The following MYO1G variants were observed in gnomAD, a reference collection of about 807,000 sequenced individuals.
MYO1G encodes unconventional myosin-Ig.
In MYO1G, 65 loss-of-function variants were observed where a neutral mutation model predicts 115.3. The ratio of observed to expected loss-of-function variants is 0.56; its 90% CI spans 0.46 to 0.69. MYO1G has a LOEUF of 0.69. Ranked by LOEUF, MYO1G falls within the 30% of genes least tolerant of loss-of-function variation. The pLI is 0.00. For synonymous variants in MYO1G, 510 were observed against 552.6 expected, an observed-to-expected ratio of 0.92 and a Z score of 1.08; for missense variants, 1,204 against 1,393.5, an observed-to-expected ratio of 0.86 and a Z score of 2.16.
rs1225087429 is a variant in MYO1G at position 44,963,812 on chromosome 7, T to A, written c.2745+237A>T. The stretch of plus-strand genomic sequence containing the variant: ...AGGGGACCATTTGGCTTGGCTAGAG[T>A]GTGAGAGTGGGGGTGGGGGGTGACT... On this transcript the variant is annotated intron_variant, in intron 20 of 21. Transcript: ENST00000258787. The surrounding 1 kb of genome is among the most constrained non-coding windows in gnomAD (Gnocchi z 4.1). The A allele has an allele frequency of 3.8e-6, 2 of 524,748 alleles. No individual in the cohort carries two copies. The highest frequency in any genetic ancestry group is 6.9e-6 in the Non-Finnish European group (2 of 291,484). 32.5% of individuals were successfully genotyped at this position (524,748 alleles called of 1,614,324 possible). A position where few individuals can be genotyped will look rare whatever the true frequency, so the allele number is the denominator to read the frequency against.
intron 1 of MYO1G, among the ~76,000 whole-genome samples, chr7:44,977,869 C>T (rs2128703342): frequency 1.3e-5 from 2 of 152,298 alleles, no homozygotes; most frequent in East Asian, 1.9e-4. Context: ...TCTCCACCAC[C>T]TCTGACATGG....
rs773005925 is a variant in MYO1G at position 44,966,127 on chromosome 7, T to C, written c.2103A>G (p.Thr701=). 22 of 1,612,902 alleles carry C rather than the reference T, an allele frequency of 1.4e-5. No homozygotes were observed. Among genetic ancestry groups the C allele is most frequent in the Middle Eastern group, 1.6e-4 (1 of 6,076 alleles). The change falls in exon 16 of 22, where the codon ACA becomes ACG. Residue 701 remains threonine (T), a synonymous_variant. Transcript: ENST00000258787. This position sits in a 1 kb window ranked among gnomAD's most constrained non-coding sequence, Gnocchi z 5.0. ...LFIRSPRTLV[T]LEQSRARLIP... ...TGAGGCGGGCTCGGCTCTGCTCCAGTGTGACCAGTGTCCGGGGTGAGCGGA... is the reference window on the plus strand; with the variant it reads ...TGAGGCGGGCTCGGCTCTGCTCCAGCGTGACCAGTGTCCGGGGTGAGCGGA...
chr7:44,965,628 G>T lies in MYO1G; in HGVS notation c.2381+9C>A. 1.2e-6 allele frequency: 2 copies of T among 1,610,752 alleles called. No homozygotes were observed. Among genetic ancestry groups the T allele is most frequent in the South Asian group, 1.1e-5 (1 of 90,988 alleles). ...CTGAATGGAATGTGTGGTGGGCTGAGAGTAGTACCTGCAGAAGAGTGCGTG... is the reference window on the plus strand; with the variant it reads ...CTGAATGGAATGTGTGGTGGGCTGATAGTAGTACCTGCAGAAGAGTGCGTG... On this transcript the variant is annotated intron_variant, in intron 17 of 21. Transcript: ENST00000258787.
chr7:44,967,075 A>G (rs1327785152), intron 14 of MYO1G, among the ~76,000 whole-genome samples: 1 of 152,188 alleles, frequency 6.6e-6, no homozygotes, highest in East Asian at 1.9e-4. Flanking sequence ...TGGGCGTGGC[A>G]GGGGCAGGAG....
Position 44,963,211 on chromosome 7 carries a change from C to A in MYO1G, c.2746-87G>T, listed in dbSNP as rs1002391502. ...CACCCCCTCCCCAGGAAGCCTCTGC[C>A]GAACCCCCAACCGCACCCGGGGAGC... On this transcript the variant is annotated intron_variant, in intron 20 of 21. Transcript: ENST00000258787. The surrounding 1 kb of genome is among the most constrained non-coding windows in gnomAD (Gnocchi z 4.1). 17 of 1,368,386 alleles carry A rather than the reference C, an allele frequency of 1.2e-5. No individual in the cohort carries two copies. The highest frequency in any genetic ancestry group is 1.5e-5 in the African/African-American group (1 of 64,950). The allele number at this position is 1,368,386 out of a possible 1,614,324, so 84.8% of individuals were successfully genotyped here.
chr7:44,967,020 C>T (rs1583786708), intron 14 of MYO1G, among the ~76,000 whole-genome samples, 182 bp from the exon 15 acceptor site: 3 of 152,206 alleles, frequency 2.0e-5, no homozygotes. Context: ...CCAGCAAGGC[C>T]AGGTTCAGAG....
At chr7:44,975,929 C>T (rs527253761) in intron 3 of MYO1G, among the ~76,000 whole-genome samples, 1 of 152,328 alleles carries the variant, frequency 6.6e-6, no homozygotes, top group South Asian at 2.1e-4. Flanking sequence ...GCCACCTCTT[C>T]CCCTCCCAGG....
rs370002153 is a variant in MYO1G at position 44,968,001 on chromosome 7, G to A, written c.1575-43C>T. The A allele has an allele frequency of 5.1e-6, 8 of 1,570,650 alleles. No individual in the cohort carries two copies. In the African/African-American group the frequency reaches 9.4e-5, roughly 19 times the overall value. On this transcript the variant is annotated intron_variant, in intron 12 of 21. Transcript: ENST00000258787. ...TGGTGAGGGAGCAGGGGCGGGGGCT[G>A]CCAGGCCAGAGTGCTAATGACCCCA...
chr7:44,967,934 G>C lies in MYO1G; in HGVS notation c.1599C>G (p.Asp533Glu). 6.2e-7 allele frequency: 1 copy of C among 1,614,050 alleles called. No homozygotes were observed. The highest frequency in any genetic ancestry group is 1.1e-5 in the South Asian group (1 of 91,078). ...DVTYSVEGFIDKNRDFLFQDF... is the reference protein window; with the variant it reads ...DVTYSVEGFIEKNRDFLFQDF... ...CCTGGAAGAGGAAATCTCTGTTCTT[G>C]TCGATGAAGCCTTCCACGGAGTACC... The change falls in exon 13 of 22, where the codon GAC (aspartate) becomes GAG (glutamate). Residue 533 changes from aspartate (D) to glutamate (E), a missense_variant. Asp to Glu is a conservative substitution (Grantham distance 45). Coordinates refer to ENST00000258787, the MANE Select transcript of MYO1G (RefSeq NM_033054.3).
Position 44,970,030 on chromosome 7 carries a change from C to T in MYO1G, c.1332+10G>A, listed in dbSNP as rs532146489. 1 of 1,612,612 alleles carries T rather than the reference C, an allele frequency of 6.2e-7. No individual in the cohort carries two copies. The highest frequency in any genetic ancestry group is 1.3e-5 in the African/African-American group (1 of 75,052). The stretch of plus-strand genomic sequence containing the variant: ...CACTGCCTGGCCTCCCTCCAGGCCA[C>T]AGTGCTCACGCTCTGCCAGGTGATG... On this transcript the variant is annotated intron_variant, in intron 10 of 21. Coordinates refer to ENST00000258787, the MANE Select transcript of MYO1G (RefSeq NM_033054.3).
chr7:44,971,985 G>A (rs1270339741), intron 6 of MYO1G, 130 bp downstream of exon 6: 10 of 809,052 alleles, frequency 1.2e-5, no homozygotes, highest in Middle Eastern at 2.6e-4. Flanking sequence ...ACTCCACCCC[G>A]AGCACCCTCC....
In MYO1G at chr7:44,964,762, T is replaced by C. The variant is rs1794809325; in HGVS notation, c.2526+183A>G. Among the ~76,000 whole-genome samples, 1 of 152,168 alleles carries C rather than the reference T, an allele frequency of 6.6e-6. No individual in the cohort carries two copies. Among genetic ancestry groups the C allele is most frequent in the Non-Finnish European group, 1.5e-5 (1 of 68,012 alleles). On this transcript the variant is annotated intron_variant, in intron 18 of 21. Transcript: ENST00000258787. The surrounding 1 kb of genome is among the most constrained non-coding windows in gnomAD (Gnocchi z 5.1). ...ATCCACACCCACCCCCGAAGGCCAC[T>C]GCTCCTGAAGCCCAGGATGAGACCT...
At chr7:44,968,493 T>C (rs1405455829) in intron 12 of MYO1G, 1 of 148,078 alleles carries the variant, frequency 6.8e-6, no homozygotes, top group Non-Finnish European at 1.5e-5. Context: ...CTATGAAGGC[T>C]CAGGGAATGG....
intron 3 of MYO1G, 41 bp downstream of exon 3, chr7:44,976,523 G>A: frequency 6.3e-7 from 1 of 1,591,654 alleles, no homozygotes; most frequent in Non-Finnish European, 8.6e-7. Context: ...GAGGTCCCTG[G>A]CCTGCCATGC....
In MYO1G at chr7:44,966,876, AG is replaced by A. The variant is rs1794856191; in HGVS notation, c.1783-39del. 5 of 1,566,220 alleles carry A rather than the reference AG, an allele frequency of 3.2e-6. No homozygotes were observed. In the East Asian group the frequency reaches 1.1e-4, roughly 35 times the overall value. ...AGGGGACTTGGAGAGGGTCTGCGCC[AG>A]CAGCACTGTGCACCCTGCCCCACAC... On this transcript the variant is annotated intron_variant, in intron 14 of 21. Transcript: ENST00000258787. This position sits in a 1 kb window ranked among gnomAD's most constrained non-coding sequence, Gnocchi z 5.0.
rs780778917 is a variant in MYO1G, at chr7:44,969,406, C to T, written c.1574+7G>A. 11 of 1,613,594 alleles carry T rather than the reference C, an allele frequency of 6.8e-6. No homozygotes were observed. Among genetic ancestry groups the T allele is most frequent in the Non-Finnish European group, 8.5e-6 (10 of 1,179,878 alleles). Reference sequence around the variant, plus strand: ...AGCCAGGGATGTGGGTGGGAGGGGGCCCTTACGTGACGTCCCCTGCATAGT... The same window carrying T: ...AGCCAGGGATGTGGGTGGGAGGGGGTCCTTACGTGACGTCCCCTGCATAGT... On this transcript the variant is annotated splice_region_variant and intron_variant, in intron 12 of 21. Transcript: ENST00000258787. This position sits in a 1 kb window ranked among gnomAD's most constrained non-coding sequence, Gnocchi z 5.0.
intron 2 of MYO1G, 29 bp from the exon 3 acceptor site, chr7:44,976,686 C>A (rs774568277): frequency 6.2e-7 from 1 of 1,613,528 alleles, no homozygotes. Flanking sequence ...TTGAGAGAAT[C>A]AGCCAGGTTC....
At position 44,970,732 on chromosome 7, in the gene MYO1G, C is replaced by T; in HGVS notation, c.1077G>A (p.Val359=). ...SYARDACAKA[V]YQRLFEWVVN... ...CCACCCACTCAAACAGCCGCTGGTA[C>T]ACTGCCTGGGGGATAGGAACACCCT... Residue 359 remains valine, a synonymous_variant, in exon 9 of 22, where the codon GTG becomes GTA. Transcript: ENST00000258787. The T allele has an allele frequency of 1.9e-6, 3 of 1,614,010 alleles. No homozygotes were observed. The highest frequency in any genetic ancestry group is 2.5e-6 in the Non-Finnish European group (3 of 1,180,016).
rs773745075 is a variant in MYO1G at position 44,965,796 on chromosome 7, C to A, written c.2222G>T (p.Arg741Leu). The change falls in exon 17 of 22, where the codon CGC becomes CTC. Residue 741 changes from arginine (R) to leucine (L), a missense_variant. Physicochemically the swap from Arg to Leu is moderately radical, Grantham distance 102 (BLOSUM62 -2). Coordinates refer to ENST00000258787, the MANE Select transcript of MYO1G (RefSeq NM_033054.3). ...RRLRAIYTIM[R>L]WFRRHKVRAH... Reference sequence around the variant, plus strand: ...CCGCACCTTGTGTCTCCGGAACCAGCGCATGATGGTGTAGATAGCCCTCAG... The same window carrying A: ...CCGCACCTTGTGTCTCCGGAACCAGAGCATGATGGTGTAGATAGCCCTCAG... 6.2e-7 allele frequency: 1 copy of A among 1,604,570 alleles called. No homozygotes were observed. Among genetic ancestry groups the A allele is most frequent in the Non-Finnish European group, 8.5e-7 (1 of 1,179,962 alleles).
Sources: gnomAD v4.1 joint callset for allele counts (sites outside exome capture counted in the v4.1 genomes callset) on GRCh38, gnomAD v4.1.1 for gene constraint, Gnocchi (gnomAD v3.1) non-coding constraint, MANE v1.5 for transcripts, NCBI Gene and HGNC (gene_info 2026-07-23, HGNC 2026-07-21) for gene names.